The following GPR149 variants were observed in gnomAD, a reference collection of about 807,000 sequenced individuals.
The protein encoded by GPR149 is G protein-coupled receptor 149.
Under a neutral mutation model 50.2 loss-of-function variants are expected in GPR149, and 50 were observed. That is an observed-to-expected ratio of 1.00 (90% CI 0.79 to 1.26). The LOEUF is 1.26. GPR149 is among the 50% of genes most tolerant of loss of function. The probability of loss-of-function intolerance (pLI) is 0.00; values close to 1 mark genes in which losing one functional copy is unlikely to be tolerated. For synonymous variants in GPR149, 405 were observed against 358.2 expected (o/e 1.13, Z -1.48); for missense variants, 983 against 895.4 (o/e 1.10, Z -1.25).
At chr3:154,371,185 G>C (rs1276975952) in intron 3 of GPR149, among the ~76,000 whole-genome samples, 2 of 152,208 alleles carry the variant, frequency 1.3e-5, no homozygotes, top group South Asian at 2.1e-4. Context: ...AAATGTAACA[G>C]TCCTTGCAAT....
chr3:154,400,172 G>C (rs1054791595), intron 3 of GPR149, among the ~76,000 whole-genome samples: 1 of 152,008 alleles, frequency 6.6e-6, no homozygotes, highest in South Asian at 2.1e-4. Context: ...ATTTTTAGTA[G>C]AGACGGGGTT....
At chr3:154,420,089 T>C (rs752168662) in intron 3 of GPR149, among the ~76,000 whole-genome samples, 1 of 152,136 alleles carries the variant, frequency 6.6e-6, no homozygotes, top group Middle Eastern at 3.4e-3. Flanking sequence ...ATTCTGCTCA[T>C]ATTTATAGTT....
intron 3 of GPR149, among the ~76,000 whole-genome samples, 187 bp downstream of exon 3, chr3:154,420,852 G>A (rs375064652): frequency 1.3e-5 from 2 of 151,830 alleles, no homozygotes; most frequent in East Asian, 1.9e-4. Flanking sequence ...ATTTTAAACT[G>A]ATTAAAAGAA....
chr3:154,409,392 C>T (rs1163694807), intron 3 of GPR149, among the ~76,000 whole-genome samples: 1 of 152,016 alleles, frequency 6.6e-6, no homozygotes, highest in Non-Finnish European at 1.5e-5. Flanking sequence ...TTCGGAATTT[C>T]CAGAAAAACA....
chr3:154,352,704 G>T (rs780450884), intron 3 of GPR149: 1 of 783,452 alleles, frequency 1.3e-6, no homozygotes, highest in Non-Finnish European at 2.4e-6. Context: ...CTGATGGTCA[G>T]AAAAAATCAA....
chr3:154,362,133 C>A (rs1714420409), intron 3 of GPR149, among the ~76,000 whole-genome samples: 1 of 151,686 alleles, frequency 6.6e-6, no homozygotes, highest in Non-Finnish European at 1.5e-5. Flanking sequence ...ACTAAAAATA[C>A]AAAAAATTAG....
At chr3:154,381,240 T>C (rs75014898) in intron 3 of GPR149, among the ~76,000 whole-genome samples, 7 of 152,322 alleles carry the variant, frequency 4.6e-5, no homozygotes, top group Non-Finnish European at 7.4e-5. Flanking sequence ...TAGACCATCA[T>C]GGTGTATTCA....
chr3:154,347,299 G>A (rs376589688), intron 3 of GPR149, among the ~76,000 whole-genome samples: 123 of 152,296 alleles, frequency 8.1e-4, no homozygotes, highest in African/African-American at 2.6e-3. Context: ...GGCTGGGGAG[G>A]CCTCAGGAAA....
intron 3 of GPR149, among the ~76,000 whole-genome samples, chr3:154,339,179 G>T (rs755100363): frequency 1.3e-5 from 2 of 152,164 alleles, no homozygotes; most frequent in Non-Finnish European, 2.9e-5. Context: ...ATCGTCAGCA[G>T]CTTCTGGTAA....
At chr3:154,341,290 G>GAAATAT in intron 3 of GPR149, among the ~76,000 whole-genome samples, 1 of 40,422 alleles carries the variant, frequency 2.5e-5, no homozygotes, top group East Asian at 1.1e-3. Flanking sequence ...AAAAAAATAA[G>GAAATAT]ACATATATAT....
intron 3 of GPR149, among the ~76,000 whole-genome samples, chr3:154,385,305 C>T (rs114039121): frequency 1.3e-4 from 20 of 152,258 alleles, no homozygotes; most frequent in Middle Eastern, 3.4e-3. Flanking sequence ...AAATTTAGAG[C>T]GGGCTTTCAT....
At chr3:154,408,298 A>G (rs1711749393) in intron 3 of GPR149, among the ~76,000 whole-genome samples, 1 of 152,168 alleles carries the variant, frequency 6.6e-6, no homozygotes, top group Admixed American at 6.5e-5. Context: ...CTACTGCAGG[A>G]ACATACCAAG....
intron 3 of GPR149, among the ~76,000 whole-genome samples, chr3:154,416,014 C>G (rs1227068298): frequency 6.6e-6 from 1 of 151,802 alleles, no homozygotes; most frequent in African/African-American, 2.4e-5. Context: ...TCAGAAATTA[C>G]TCAGAGACAA....
Position 154,429,864 on chromosome 3 carries a change from T to G in GPR149, c.-249A>C. 2.7e-6 allele frequency: 1 copy of G among 375,684 alleles called. No individual in the cohort carries two copies. Among genetic ancestry groups the G allele is most frequent in the East Asian group, 4.5e-5 (1 of 22,264 alleles). 23.3% of individuals were successfully genotyped at this position (375,684 alleles called of 1,614,324 possible). On this transcript the variant is annotated 5_prime_UTR_variant, in exon 1 of 4. Coordinates refer to ENST00000389740, the MANE Select transcript of GPR149 (RefSeq NM_001038705.3). ...AACAGATAACTTTTCAACATTCCAA[T>G]TAAAAACAAAGCAAAAACTCCTTCC...
chr3:154,389,156 A>G lies in GPR149; in HGVS notation c.1623+31883T>C, dbSNP rs565492415. 2.2e-4 allele frequency among the ~76,000 whole-genome samples: 34 copies of G among 152,310 alleles called. 1 individual carries two copies. The highest frequency in any genetic ancestry group is 6.8e-3 in the Middle Eastern group (2 of 294). ...GGAGATATAAAGATTTGAAAATTCA[A>G]TCAGTAATGTCAGCAAGATGGTAGA... On this transcript the variant is annotated intron_variant, in intron 3 of 3. Coordinates refer to ENST00000389740, the MANE Select transcript of GPR149 (RefSeq NM_001038705.3).
intron 3 of GPR149, among the ~76,000 whole-genome samples, chr3:154,355,622 G>A (rs1015221669): frequency 1.3e-5 from 2 of 152,000 alleles, no homozygotes; most frequent in African/African-American, 4.8e-5. Flanking sequence ...AATAAAAGAG[G>A]ATAAACTAGC....
At chr3:154,409,175 AAGG>A (rs1313836802) in intron 3 of GPR149, among the ~76,000 whole-genome samples, 1 of 152,214 alleles carries the variant, frequency 6.6e-6, no homozygotes, top group Non-Finnish European at 1.5e-5. Flanking sequence ...CTAGGGGAAG[AAGG>A]AGAACACCAC....
intron 3 of GPR149, among the ~76,000 whole-genome samples, chr3:154,343,474 G>A (rs562510939): frequency 1.3e-5 from 2 of 152,306 alleles, no homozygotes; most frequent in African/African-American, 4.8e-5. Flanking sequence ...TACTGAGTGT[G>A]TGTTGCTGAT....
At chr3:154,421,904 G>C (rs1222975353) in intron 2 of GPR149, among the ~76,000 whole-genome samples, 1 of 151,634 alleles carries the variant, frequency 6.6e-6, no homozygotes, top group Non-Finnish European at 1.5e-5. Flanking sequence ...TAATTATTAA[G>C]TAGCCTTAAT....
Sources: allele counts gnomAD v4.1 joint callset (sites outside exome capture counted in the v4.1 genomes callset), GRCh38; gene constraint gnomAD v4.1.1; transcripts MANE v1.5; gene names NCBI Gene and HGNC (gene_info 2026-07-23, HGNC 2026-07-21).